Variants in IL2RB observed in about 807,000 individuals in gnomAD.
The protein encoded by IL2RB is interleukin 2 receptor subunit beta, also known as interleukin-2 receptor subunit beta.
In IL2RB, 17 loss-of-function variants were observed where a neutral mutation model predicts 44.2. The ratio of observed to expected loss-of-function variants is 0.38; its 90% CI spans 0.26 to 0.58. The LOEUF (loss-of-function observed/expected upper bound fraction) is 0.58, where lower values mean the gene tolerates loss of function less well. Ranked by LOEUF, IL2RB falls within the 20% of genes least tolerant of loss-of-function variation. The pLI, the probability that IL2RB is intolerant of heterozygous loss-of-function variation, is 0.63. For synonymous variants in IL2RB, 286 were observed against 297.9 expected, an observed-to-expected ratio of 0.96 and a Z score of 0.41; for missense variants, 624 against 685.5, an observed-to-expected ratio of 0.91 and a Z score of 1.00.
chr22:37,145,658 G>C (rs979168338), intron 1 of IL2RB, among the ~76,000 whole-genome samples: 4 of 152,064 alleles, frequency 2.6e-5, no homozygotes, highest in African/African-American at 9.7e-5. Context: ...AGGCAAAGGG[G>C]GAGGCAGGGA....
intron 9 of IL2RB, among the ~76,000 whole-genome samples, chr22:37,130,532 C>T (rs1316571998): frequency 1.3e-5 from 2 of 152,350 alleles, no homozygotes; most frequent in African/African-American, 4.8e-5. Flanking sequence ...AAGGTGGGGC[C>T]TGCTTTGCCA....
rs1921094790 is a variant in IL2RB at position 37,126,051 on chromosome 22, A to AT, written c.*2044dup. 6.6e-6 allele frequency: 1 copy of AT among 152,204 alleles called. No individual in the cohort carries two copies. Among genetic ancestry groups the AT allele is most frequent in the Non-Finnish European group, 1.5e-5 (1 of 68,044 alleles). 9.4% of individuals were successfully genotyped at this position (152,204 alleles called of 1,614,324 possible). A position where few individuals can be genotyped will look rare whatever the true frequency, so the allele number is the denominator to read the frequency against. ...TGTATAGATACATATGTCACAAATG[A>AT]TTAAGACTTAAAAAATGTAACCCTC... On this transcript the variant is annotated 3_prime_UTR_variant, in exon 10 of 10. Coordinates refer to ENST00000216223, the MANE Select transcript of IL2RB (RefSeq NM_000878.5).
At chr22:37,129,691 A>G (rs84460) in intron 9 of IL2RB, among the ~76,000 whole-genome samples, 49,800 of 152,120 alleles carry the variant, frequency 0.33, 8,357 homozygotes, top group African/African-American at 0.37. Context: ...CAGGTCACCA[A>G]GGAGACATCA....
At chr22:37,174,650 C>A (rs577033596) in intron 1 of IL2RB, among the ~76,000 whole-genome samples, 4 of 152,344 alleles carry the variant, frequency 2.6e-5, no homozygotes, top group African/African-American at 9.6e-5. Flanking sequence ...TAAACCTTGT[C>A]TTTGGGGAGG....
At chr22:37,171,740 A>T (rs1403535625) in intron 1 of IL2RB, among the ~76,000 whole-genome samples, 1 of 152,194 alleles carries the variant, frequency 6.6e-6, no homozygotes, top group Non-Finnish European at 1.5e-5. Flanking sequence ...GTGAGAAGAG[A>T]CTGCTTGACT....
intron 6 of IL2RB, among the ~76,000 whole-genome samples, chr22:37,136,990 TG>T (rs1171890053): frequency 2.0e-5 from 3 of 152,206 alleles, no homozygotes; most frequent in Admixed American, 6.5e-5. Flanking sequence ...TCAAATTCCT[TG>T]CCCCGTTGGG....
chr22:37,150,364 C>T (rs959475257), upstream of IL2RB, among the ~76,000 whole-genome samples: 4 of 152,086 alleles, frequency 2.6e-5, no homozygotes, highest in Admixed American at 6.6e-5. Context: ...ACCATCTTTC[C>T]GAGACTCCCA....
chr22:37,137,654 G>A lies in IL2RB; in HGVS notation c.470C>T (p.Ala157Val). ...RCNISWEISQ[A>V]SHYFERHLEF... ...CAGGTGTCTTTCAAAGTAGTGGGAG[G>A]CTTGGGAGATTTCCCAGCTTATGTT... Residue 157 changes from alanine (A) to valine (V), a missense_variant, in exon 6 of 10, where the codon GCC becomes GTC. This residue lies in a region of IL2RB where 255 missense variants were observed against 339.9 expected (regional missense o/e 0.75). Coordinates refer to ENST00000216223, the MANE Select transcript of IL2RB (RefSeq NM_000878.5). 6.2e-7 allele frequency: 1 copy of A among 1,614,106 alleles called. No homozygotes were observed. The highest frequency in any genetic ancestry group is 8.5e-7 in the Non-Finnish European group (1 of 1,179,926).
chr22:37,143,447 G>C, intron 3 of IL2RB, 74 bp downstream of exon 3: 2 of 980,296 alleles, frequency 2.0e-6, no homozygotes, highest in Non-Finnish European at 3.2e-6. Flanking sequence ...TTGACTCCTT[G>C]GAGTCCAGTG....
At chr22:37,142,362 C>T in intron 4 of IL2RB, 72 bp downstream of exon 4, 2 of 1,403,752 alleles carry the variant, frequency 1.4e-6, no homozygotes, top group South Asian at 1.2e-5. Context: ...GCATCCGGCC[C>T]ACCCTGAGAT....
chr22:37,164,474 G>A (rs1037588947), intron 1 of IL2RB, among the ~76,000 whole-genome samples: 2 of 151,164 alleles, frequency 1.3e-5, no homozygotes, highest in Non-Finnish European at 3.0e-5. Flanking sequence ...TGAGGGGTGA[G>A]GGGCCGGGTG....
Position 37,128,889 on chromosome 22 carries a change from C to A in IL2RB, c.904-41G>T. 6.4e-7 allele frequency: 1 copy of A among 1,557,372 alleles called. No homozygotes were observed. The highest frequency in any genetic ancestry group is 1.2e-5 in the South Asian group (1 of 81,650). ...CCAGGGGTGGGTGAGTGGGGGCTTC[C>A]TTCACCCTCCACCCCTTCCTCTGGA... On this transcript the variant is annotated intron_variant, in intron 9 of 9. Coordinates refer to ENST00000216223, the MANE Select transcript of IL2RB (RefSeq NM_000878.5). This position sits in a 1 kb window ranked among gnomAD's most constrained non-coding sequence, Gnocchi z 4.5.
At chr22:37,130,003 G>A (rs1242258165) in intron 9 of IL2RB, among the ~76,000 whole-genome samples, 1 of 152,138 alleles carries the variant, frequency 6.6e-6, no homozygotes, top group Non-Finnish European at 1.5e-5. Context: ...GAGAGTCCCT[G>A]AGGCTGAGCC....
At chr22:37,139,085 T>TGCCCCA in intron 5 of IL2RB, 32 bp downstream of exon 5, 1 of 1,398,644 alleles carries the variant, frequency 7.1e-7, no homozygotes, top group East Asian at 2.3e-5. Context: ...TGCCCAGCCC[T>TGCCCCA]GCCCCAGCCC....
chr22:37,135,629 C>T (rs544143412), intron 7 of IL2RB, among the ~76,000 whole-genome samples, 187 bp from the exon 8 acceptor site: 5 of 152,280 alleles, frequency 3.3e-5, no homozygotes, highest in South Asian at 2.1e-4. Context: ...AGAAATGACA[C>T]GGTGGCATTC....
upstream of IL2RB, among the ~76,000 whole-genome samples, chr22:37,153,088 C>T (rs1922557537): frequency 6.6e-6 from 1 of 152,118 alleles, no homozygotes; most frequent in Non-Finnish European, 1.5e-5. Flanking sequence ...GCACGTGCTA[C>T]CATGCCCGGC....
At position 37,128,654 on chromosome 22, in the gene IL2RB, G is replaced by A. The variant is rs546895176; in HGVS notation, c.1098C>T (p.Phe366=). Reference sequence around the variant, plus strand: ...TCTCCAAGGCATCCGGGAGGTGGAAGAAGAAGTAACCCTGGTTGGTGAAGC... The same window carrying A: ...TCTCCAAGGCATCCGGGAGGTGGAAAAAGAAGTAACCCTGGTTGGTGAAGC... ...TSCFTNQGYF[F]FHLPDALEIE... The change falls in exon 10 of 10, where the codon TTC becomes TTT. Residue 366 remains phenylalanine, a synonymous_variant. Coordinates refer to ENST00000216223, the MANE Select transcript of IL2RB (RefSeq NM_000878.5). The surrounding 1 kb of genome is among the most constrained non-coding windows in gnomAD (Gnocchi z 4.5). The A allele has an allele frequency of 1.9e-6, 3 of 1,614,204 alleles. No individual in the cohort carries two copies. The South Asian group carries it at 3.3e-5, about 18-fold the overall frequency.
chr22:37,143,678 A>G, intron 2 of IL2RB, 43 bp from the exon 3 acceptor site: 1 of 1,394,880 alleles, frequency 7.2e-7, no homozygotes. Context: ...GTAGGTGCCC[A>G]CAGCCCCCCC....
At chr22:37,132,546 T>C (rs1921487998) in intron 8 of IL2RB, 78 bp from the exon 9 acceptor site, 3 of 1,017,666 alleles carry the variant, frequency 2.9e-6, no homozygotes, top group East Asian at 2.5e-5. Flanking sequence ...ACCACAGCTC[T>C]GGATGCCAGG....
Sources: allele counts gnomAD v4.1 joint callset (sites outside exome capture counted in the v4.1 genomes callset), GRCh38; gene constraint gnomAD v4.1.1; regional missense constraint gnomAD v4.1.1; non-coding constraint Gnocchi (gnomAD v3.1); transcripts MANE v1.5; gene names NCBI Gene and HGNC (gene_info 2026-07-23, HGNC 2026-07-21).